The following EFTUD2 variants were observed in gnomAD, a reference collection of about 807,000 sequenced individuals.
EFTUD2 encodes elongation factor Tu GTP binding domain containing 2, also known as 116 kDa U5 small nuclear ribonucleoprotein component.
EFTUD2 carries 9 observed loss-of-function variants against 114.3 expected under a neutral mutation model. The ratio of observed to expected loss-of-function variants is 0.08; its 90% confidence interval spans 0.05 to 0.14. The LOEUF (loss-of-function observed/expected upper bound fraction) is 0.14, where lower values mean the gene tolerates loss of function less well. Among genes scored for constraint, EFTUD2 ranks in the 10% least tolerant of loss-of-function variants. EFTUD2 has a pLI of 1.00. For missense variants in EFTUD2, 765 were observed against 1,241.2 expected (o/e 0.62, Z 5.76); for synonymous variants, 449 against 462.3 (o/e 0.97, Z 0.37).
At chr17:44,863,015 G>A in intron 15 of EFTUD2, 109 bp from the exon 16 acceptor site, 1 of 883,432 alleles carries the variant, frequency 1.1e-6, no homozygotes, top group South Asian at 1.9e-5. Flanking sequence ...AGGAGCTAGA[G>A]AAAGATGAGG....
intron 19 of EFTUD2, 77 bp downstream of exon 19, chr17:44,859,003 T>G: frequency 1.0e-6 from 1 of 953,890 alleles, no homozygotes; most frequent in South Asian, 1.3e-5. Flanking sequence ...CCCTTGGAGC[T>G]TCCCAGGAAT....
At chr17:44,880,801 A>G (rs529922081) in intron 7 of EFTUD2, among the ~76,000 whole-genome samples, 157 bp from the exon 8 acceptor site, 2 of 152,360 alleles carry the variant, frequency 1.3e-5, no homozygotes, top group Non-Finnish European at 2.9e-5. Context: ...TGAAGATAAA[A>G]TATCTTGGTG....
intron 16 of EFTUD2, among the ~76,000 whole-genome samples, chr17:44,862,447 T>C (rs1463667134): frequency 6.6e-6 from 1 of 151,182 alleles, no homozygotes; most frequent in Non-Finnish European, 1.5e-5. Flanking sequence ...AACAAACAAA[T>C]AGGGCTAAAA....
At chr17:44,867,166 A>G (rs2050760823) in intron 13 of EFTUD2, among the ~76,000 whole-genome samples, 2 of 152,290 alleles carry the variant, frequency 1.3e-5, no homozygotes, top group East Asian at 1.9e-4. Flanking sequence ...TTTCACAATT[A>G]TATCTGTAAG....
Position 44,854,905 on chromosome 17 carries a change from G to A in EFTUD2, c.2132+13C>T. ...GCCTCCTTTCGACCCTGGCGTCAGAGCCCTGTTCTCACCTGTTCCACGTAA... is the reference window on the plus strand; with the variant it reads ...GCCTCCTTTCGACCCTGGCGTCAGAACCCTGTTCTCACCTGTTCCACGTAA... On this transcript the variant is annotated intron_variant, in intron 21 of 27. Coordinates refer to ENST00000426333, the MANE Select transcript of EFTUD2 (RefSeq NM_004247.4). This position sits in a 1 kb window ranked among gnomAD's most constrained non-coding sequence, Gnocchi z 4.3. 1 of 1,613,462 alleles carries A rather than the reference G, an allele frequency of 6.2e-7. No individual in the cohort carries two copies. The highest frequency in any genetic ancestry group is 1.1e-5 in the South Asian group (1 of 91,062).
In EFTUD2 at chr17:44,854,792, C is replaced by T; in HGVS notation, c.2133-110G>A. ...CAGTCACTTCATCCTACCCACTGTGCCCAGAACAAGAGCAAAGGCAAAGAC... is the reference window on the plus strand; with the variant it reads ...CAGTCACTTCATCCTACCCACTGTGTCCAGAACAAGAGCAAAGGCAAAGAC... On this transcript the variant is annotated intron_variant, in intron 21 of 27. Transcript: ENST00000426333. This position sits in a 1 kb window ranked among gnomAD's most constrained non-coding sequence, Gnocchi z 4.3. 6.4e-7 allele frequency: 1 copy of T among 1,574,698 alleles called. No homozygotes were observed. Among genetic ancestry groups the T allele is most frequent in the Non-Finnish European group, 8.7e-7 (1 of 1,151,238 alleles).
intron 8 of EFTUD2, among the ~76,000 whole-genome samples, chr17:44,879,888 C>G (rs1204796058): frequency 1.3e-5 from 2 of 152,050 alleles, no homozygotes; most frequent in African/African-American, 2.4e-5. Flanking sequence ...CATGAGTCCA[C>G]ACACACAGAC....
At chr17:44,893,314 G>C (rs916442010) in intron 2 of EFTUD2, among the ~76,000 whole-genome samples, 1 of 152,088 alleles carries the variant, frequency 6.6e-6, no homozygotes, top group Non-Finnish European at 1.5e-5. Flanking sequence ...GTAGAGACGG[G>C]GTTTCACCGT....
At position 44,850,637 on chromosome 17, in the gene EFTUD2, G is replaced by A; in HGVS notation, c.*637C>T. 2.3e-6 allele frequency: 1 copy of A among 434,810 alleles called. No individual in the cohort carries two copies. Among genetic ancestry groups the A allele is most frequent in the Admixed American group, 3.4e-5 (1 of 29,212 alleles). The allele number at this position is 434,810 out of a possible 1,614,324, so 26.9% of individuals were successfully genotyped here. A position where few individuals can be genotyped will look rare whatever the true frequency, so the allele number is the denominator to read the frequency against. ...CAGCAGTTTCCTGAGGAGGTGGTGG[G>A]GTAGACTTCTGATCGCAGGAACCCA... On this transcript the variant is annotated 3_prime_UTR_variant, in exon 28 of 28. Coordinates refer to ENST00000426333, the MANE Select transcript of EFTUD2 (RefSeq NM_004247.4).
intron 20 of EFTUD2, 138 bp downstream of exon 20, chr17:44,856,937 A>C: frequency 4.6e-6 from 3 of 652,534 alleles, no homozygotes; most frequent in South Asian, 3.7e-5. Context: ...GTGAAACTCA[A>C]GTATTGTAAG....
In EFTUD2 at chr17:44,865,081, A is replaced by C. The variant is rs1400427356; in HGVS notation, c.1150-16T>G. On this transcript the variant is annotated splice_polypyrimidine_tract_variant and intron_variant, in intron 13 of 27. Coordinates refer to ENST00000426333, the MANE Select transcript of EFTUD2 (RefSeq NM_004247.4). ...CACCTACAACCTGTGAGGGTGTAAG[A>C]CACCATGTCAGCTGTAGTGAGAGCC... The C allele has an allele frequency of 5.6e-6, 9 of 1,613,878 alleles. No individual in the cohort carries two copies. The highest frequency in any genetic ancestry group is 7.6e-6 in the Non-Finnish European group (9 of 1,179,970).
intron 16 of EFTUD2, among the ~76,000 whole-genome samples, chr17:44,861,716 A>T (rs891351360): frequency 4.6e-5 from 7 of 152,208 alleles, no homozygotes; most frequent in African/African-American, 1.7e-4. Context: ...GTTGGGCGAC[A>T]GAGTGAGACT....
At chr17:44,851,405 G>A (rs779207813) in intron 27 of EFTUD2, 36 bp from the exon 28 acceptor site, 25 of 1,551,902 alleles carry the variant, frequency 1.6e-5, no homozygotes, top group Non-Finnish European at 2.2e-5. Context: ...AAAGCCCGAG[G>A]TGGTCGCAGA....
At position 44,894,477 on chromosome 17, in the gene EFTUD2, T is replaced by C. The variant is rs1337156406; in HGVS notation, c.45A>G (p.Pro15=). Residue 15 remains proline, a synonymous_variant, in exon 2 of 28, where the codon CCA becomes CCG. Transcript: ENST00000426333. ...LYDEFGNYIG[P]ELDSDEDDDE... is the part of the protein sequence containing the mutation. ...CATCATCTTCATCAGAATCAAGCTC[T>C]GGTCCAATATAATTCCCAAACTCAT... The C allele has an allele frequency of 1.9e-6, 3 of 1,614,092 alleles. No homozygotes were observed. The highest frequency in any genetic ancestry group is 4.5e-5 in the East Asian group (2 of 44,902).
In EFTUD2 at chr17:44,852,343, G is replaced by A. The variant is rs537815297; in HGVS notation, c.2715+66C>T. 35 of 1,599,688 alleles carry A rather than the reference G, an allele frequency of 2.2e-5. No homozygotes were observed. The African/African-American group carries it at 3.7e-4, about 17-fold the overall frequency. On this transcript the variant is annotated intron_variant, in intron 26 of 27. Transcript: ENST00000426333. ...TCACTTAGGGCTTGGAGAGGGATCAGGACAGAAGGGGATGAGGCTTGCAGA... is the reference window on the plus strand; with the variant it reads ...TCACTTAGGGCTTGGAGAGGGATCAAGACAGAAGGGGATGAGGCTTGCAGA...
Position 44,886,131 on chromosome 17 carries a change from G to A in EFTUD2, c.271+454C>T, listed in dbSNP as rs79696913. ...AGACACCTATAATCCCAGCTACTAG[G>A]GAGGCTGAAGCAGAATTGCTTGAAT... On this transcript the variant is annotated intron_variant, in intron 3 of 27. Transcript: ENST00000426333. 8.9e-3 allele frequency among the ~76,000 whole-genome samples: 1,351 copies of A among 152,256 alleles called. 17 individuals carry two copies. The highest frequency in any genetic ancestry group is 0.03 in the African/African-American group (1,266 of 41,556).
In EFTUD2 at chr17:44,894,514, G is replaced by A. The variant is rs764333803; in HGVS notation, c.8C>T (p.Thr3Ile). The A allele has an allele frequency of 6.2e-7, 1 of 1,612,786 alleles. No homozygotes were observed. Among genetic ancestry groups the A allele is most frequent in the Non-Finnish European group, 8.5e-7 (1 of 1,178,936 alleles). Residue 3 changes from threonine to isoleucine, a missense_variant, in exon 2 of 28, where the codon ACC becomes ATC. Thr to Ile is a moderately conservative substitution (Grantham distance 89). This residue lies in a region of EFTUD2 where 121 missense variants were observed against 133.7 expected (regional missense o/e 0.90). Transcript: ENST00000426333. ...ATTCCCAAACTCATCATATAAGTCG[G>A]TATCCATGATGCTAAAATTCAAGGA... MD[T>I]DLYDEFGNYI...
rs539044538 is a variant in EFTUD2, at chr17:44,860,749, A to G, written c.1608-206T>C. 2.5e-4 allele frequency among the ~76,000 whole-genome samples: 38 copies of G among 152,006 alleles called. No homozygotes were observed. The East Asian group carries it at 7.0e-3, about 28-fold the overall frequency. ...CAAGTAGCTGGGACTACAGGCACAC[A>G]CTAACATGCCCAACTAATTTTTGTA... On this transcript the variant is annotated intron_variant, in intron 16 of 27. Transcript: ENST00000426333.
At chr17:44,889,405 C>G (rs528629169) in intron 2 of EFTUD2, among the ~76,000 whole-genome samples, 1 of 151,978 alleles carries the variant, frequency 6.6e-6, no homozygotes, top group African/African-American at 2.4e-5. Context: ...GATATGGGGT[C>G]AAGAGAGAGT....
Sources: allele counts gnomAD v4.1 joint callset (sites outside exome capture counted in the v4.1 genomes callset), GRCh38; gene constraint gnomAD v4.1.1; regional missense constraint gnomAD v4.1.1; non-coding constraint Gnocchi (gnomAD v3.1); transcripts MANE v1.5; gene names NCBI Gene and HGNC (gene_info 2026-07-23, HGNC 2026-07-21).